BLK: variants seen among roughly 807,000 people sequenced by gnomAD.
BLK encodes the protein BLK proto-oncogene, Src family tyrosine kinase.
A neutral mutation model predicts 61.8 loss-of-function variants in BLK; 64 were observed. The ratio of observed to expected loss-of-function variants is 1.03; its 90% confidence interval spans 0.85 to 1.27. The LOEUF (loss-of-function observed/expected upper bound fraction) is 1.27, where lower values mean the gene tolerates loss of function less well. Among genes scored for constraint, BLK ranks in the 50% most tolerant of loss-of-function variants. BLK has a pLI of 0.00. For synonymous variants in BLK, 351 were observed against 272.0 expected (o/e 1.29, Z -2.86); for missense variants, 853 against 660.5 (o/e 1.29, Z -3.19).
intron 1 of BLK, chr8:11,509,039 T>G (rs1158879057): frequency 6.6e-6 from 1 of 152,246 alleles, no homozygotes; most frequent in Non-Finnish European, 1.5e-5. Context: ...TGCATGCAGC[T>G]GGCACTGCTA....
At chr8:11,561,966 G>C (rs911773468) in intron 11 of BLK, among the ~76,000 whole-genome samples, 11 of 152,056 alleles carry the variant, frequency 7.2e-5, no homozygotes, top group African/African-American at 2.2e-4. Flanking sequence ...TTACAGGCGT[G>C]TGCCACTACA....
At chr8:11,545,132 G>A (rs564375810) in intron 2 of BLK, among the ~76,000 whole-genome samples, 11 of 152,206 alleles carry the variant, frequency 7.2e-5, no homozygotes, top group Non-Finnish European at 1.3e-4. Flanking sequence ...TTGTGGCTCC[G>A]TGTTACGCAT....
intron 3 of BLK, 145 bp downstream of exon 3, chr8:11,546,248 T>A: frequency 1.0e-6 from 1 of 982,034 alleles, no homozygotes; most frequent in Non-Finnish European, 1.6e-6. Context: ...CCCGGCTCTG[T>A]GCCTCTTGGG....
chr8:11,527,062 T>A (rs6990222), intron 1 of BLK, among the ~76,000 whole-genome samples: 2 of 152,172 alleles, frequency 1.3e-5, no homozygotes, highest in African/African-American at 4.8e-5. Flanking sequence ...GAGGACGTCC[T>A]AGTGTCGCTT....
At chr8:11,528,916 C>T (rs1160374487) in intron 1 of BLK, among the ~76,000 whole-genome samples, 1 of 152,056 alleles carries the variant, frequency 6.6e-6, no homozygotes, top group African/African-American at 2.4e-5. Context: ...CATATGGACA[C>T]ACAGAGGGGA....
chr8:11,542,127 C>T (rs1251398832), intron 1 of BLK, among the ~76,000 whole-genome samples: 2 of 152,204 alleles, frequency 1.3e-5, no homozygotes, highest in Non-Finnish European at 2.9e-5. Flanking sequence ...GGAAGAAATG[C>T]ATGACTGTGT....
Position 11,563,100 on chromosome 8 carries a change from G to A in BLK, c.1302G>A (p.Val434=), listed in dbSNP as rs145686279. 6.4e-4 allele frequency: 1,037 copies of A among 1,613,740 alleles called. 3 individuals carry two copies. The highest frequency in any genetic ancestry group is 1.7e-3 in the South Asian group (151 of 91,088). Reference sequence around the variant, plus strand: ...TGGAAGTTGTCACTTATGGGCGGGTGCCATACCCAGGTAGGTGGCTCACCC... The same window carrying A: ...TGGAAGTTGTCACTTATGGGCGGGTACCATACCCAGGTAGGTGGCTCACCC... ...LLMEVVTYGR[V]PYPGMSNPEV... Residue 434 remains valine, a synonymous_variant, in exon 12 of 13, where the codon GTG becomes GTA. Transcript: ENST00000259089.
intron 10 of BLK, chr8:11,558,955 C>A (rs1366179889): frequency 4.4e-6 from 2 of 456,224 alleles, no homozygotes; most frequent in African/African-American, 4.0e-5. Context: ...CGCCTTTTTC[C>A]GCTGAGGTGG....
At chr8:11,557,902 C>T (rs1801309632) in intron 9 of BLK, 60 bp from the exon 10 acceptor site, 6 of 1,512,258 alleles carry the variant, frequency 4.0e-6, no homozygotes, top group Non-Finnish European at 5.5e-6. Context: ...CAGAGAGAGG[C>T]TGGCACCACC....
chr8:11,500,569 G>T (rs1294480748), intron 1 of BLK, among the ~76,000 whole-genome samples: 3 of 151,654 alleles, frequency 2.0e-5, no homozygotes, highest in Non-Finnish European at 4.4e-5. Context: ...AGGCTGGAGT[G>T]CAGTGGTGTA....
At chr8:11,531,166 G>A (rs1799873540) in intron 1 of BLK, among the ~76,000 whole-genome samples, 1 of 152,072 alleles carries the variant, frequency 6.6e-6, no homozygotes, top group African/African-American at 2.4e-5. Flanking sequence ...TTGTTAAATT[G>A]AATTTTTGGC....
chr8:11,513,672 C>T (rs1362022569), intron 1 of BLK, among the ~76,000 whole-genome samples: 3 of 152,196 alleles, frequency 2.0e-5, no homozygotes, highest in Admixed American at 6.5e-5. Context: ...AAATTCATAC[C>T]AAGTGATCCA....
At chr8:11,508,804 C>A (rs901966895) in intron 1 of BLK, among the ~76,000 whole-genome samples, 2 of 152,200 alleles carry the variant, frequency 1.3e-5, no homozygotes, top group South Asian at 4.1e-4. Flanking sequence ...CCGGTCCTGC[C>A]CTTTGGGGCC....
chr8:11,522,589 C>A (rs1799498831), intron 1 of BLK, among the ~76,000 whole-genome samples: 1 of 151,616 alleles, frequency 6.6e-6, no homozygotes, highest in Non-Finnish European at 1.5e-5. Context: ...TTGCCCATCC[C>A]AATGCATTTC....
At chr8:11,533,823 C>T (rs1800001482) in intron 1 of BLK, among the ~76,000 whole-genome samples, 1 of 152,174 alleles carries the variant, frequency 6.6e-6, no homozygotes, top group Non-Finnish European at 1.5e-5. Context: ...CAGAAATATA[C>T]TAATATGTAA....
At chr8:11,548,467 T>C (rs1345490293) in intron 4 of BLK, among the ~76,000 whole-genome samples, 1 of 152,192 alleles carries the variant, frequency 6.6e-6, no homozygotes, top group Non-Finnish European at 1.5e-5. Flanking sequence ...TTTAAGCCAG[T>C]TGTGTCCATA....
rs7007439 is a variant in BLK, at chr8:11,558,285, T to A, written c.1029+247T>A. ...AGGGAATGGAGCCTTAGACCCGGGC[T>A]GCTGTGTTGGAATGAGGCTATTCTG... On this transcript the variant is annotated intron_variant, in intron 10 of 12. Transcript: ENST00000259089. Among the ~76,000 whole-genome samples, 86,817 of 152,108 alleles carry A rather than the reference T, an allele frequency of 0.57. 25,845 individuals carry two copies. The highest frequency in any genetic ancestry group is 0.62 in the Non-Finnish European group (41,992 of 67,976).
chr8:11,550,878 G>A (rs1002439790), intron 6 of BLK, among the ~76,000 whole-genome samples: 3 of 152,172 alleles, frequency 2.0e-5, no homozygotes, highest in African/African-American at 7.2e-5. Flanking sequence ...TATAAAGCTT[G>A]CATGAAGTAT....
intron 1 of BLK, among the ~76,000 whole-genome samples, chr8:11,524,321 C>A (rs573682363): frequency 6.6e-6 from 1 of 152,128 alleles, no homozygotes; most frequent in African/African-American, 2.4e-5. Context: ...ACATTCACAA[C>A]GATTTTCCAT....
Sources: allele counts gnomAD v4.1 joint callset (sites outside exome capture counted in the v4.1 genomes callset), GRCh38; gene constraint gnomAD v4.1.1; transcripts MANE v1.5; gene names NCBI Gene and HGNC (gene_info 2026-07-23, HGNC 2026-07-21).